WNT3A: variants seen among roughly 807,000 people sequenced by gnomAD.
WNT3A encodes Wnt family member 3A.
A neutral mutation model predicts 37.0 loss-of-function variants in WNT3A; 17 were observed. That is an observed-to-expected ratio of 0.46 (90% CI 0.31 to 0.69). The LOEUF (loss-of-function observed/expected upper bound fraction) is 0.69. Among genes scored for constraint, WNT3A ranks in the 30% least tolerant of loss-of-function variants. The probability of loss-of-function intolerance (pLI) is 0.05; values close to 1 mark genes in which losing one functional copy is unlikely to be tolerated. For synonymous variants in WNT3A, 187 were observed against 211.0 expected (o/e 0.89, Z 0.99); for missense variants, 411 against 510.2 (o/e 0.81, Z 1.87).
intron 3 of WNT3A, among the ~76,000 whole-genome samples, chr1:228,053,929 C>A (rs941284886): frequency 1.3e-5 from 2 of 152,094 alleles, no homozygotes; most frequent in Non-Finnish European, 2.9e-5. Context: ...AAATAACTGA[C>A]CATCTAGTGA....
chr1:228,053,416 C>T (rs2031600007), intron 3 of WNT3A, among the ~76,000 whole-genome samples: 1 of 152,098 alleles, frequency 6.6e-6, no homozygotes, highest in East Asian at 1.9e-4. Context: ...TTAGAGTAGG[C>T]AAAGGTGTCT....
At chr1:228,047,372 A>G (rs945748114) in intron 2 of WNT3A, among the ~76,000 whole-genome samples, 3 of 152,192 alleles carry the variant, frequency 2.0e-5, no homozygotes, top group Non-Finnish European at 4.4e-5. Context: ...CCATAGCCTC[A>G]AATACCTTCC....
chr1:228,035,906 AC>A (rs2031126602), intron 2 of WNT3A, among the ~76,000 whole-genome samples: 1 of 152,030 alleles, frequency 6.6e-6, no homozygotes, highest in South Asian at 2.1e-4. Context: ...ACAGTCTGGA[AC>A]CCCTCCTACC....
chr1:228,050,130 C>A lies in WNT3A; in HGVS notation c.314-526C>A, dbSNP rs1571813357. 6.6e-6 allele frequency among the ~76,000 whole-genome samples: 1 copy of A among 152,028 alleles called. No individual in the cohort carries two copies. Among genetic ancestry groups the A allele is most frequent in the African/African-American group, 2.4e-5 (1 of 41,356 alleles). ...GCAGTGGTGCTATCCTGGCTCACTG[C>A]AGCCTCCACTTCCTGGGCTCAAGTG... is the stretch of plus-strand genomic sequence containing the variant. On this transcript the variant is annotated intron_variant, in intron 2 of 3. Transcript: ENST00000284523. The surrounding 1 kb of genome is among the most constrained non-coding windows in gnomAD (Gnocchi z 5.0).
In WNT3A at chr1:228,046,468, C is replaced by T. The variant is rs1042720035; in HGVS notation, c.314-4188C>T. Among the ~76,000 whole-genome samples, 4 of 139,244 alleles carry T rather than the reference C, an allele frequency of 2.9e-5. No homozygotes were observed. In the East Asian group the frequency reaches 9.2e-4, roughly 32 times the overall value. 91.3% of individuals were successfully genotyped at this position (139,244 alleles called of 152,430 possible). On this transcript the variant is annotated intron_variant, in intron 2 of 3. Coordinates refer to ENST00000284523, the MANE Select transcript of WNT3A (RefSeq NM_033131.4). Reference sequence around the variant, plus strand: ...TGCATGTGTCTGTGTGTGCATTGCACGAGGCGTGCATGTGGGGGTTGTGTG... The same window carrying T: ...TGCATGTGTCTGTGTGTGCATTGCATGAGGCGTGCATGTGGGGGTTGTGTG...
intron 3 of WNT3A, among the ~76,000 whole-genome samples, chr1:228,052,054 C>T (rs1313087082): frequency 1.3e-5 from 2 of 152,184 alleles, no homozygotes; most frequent in African/African-American, 4.8e-5. Flanking sequence ...AGATCCAAAC[C>T]GTATCAGGCA....
At position 228,059,753 on chromosome 1, in the gene WNT3A, A is replaced by G. The variant is rs113606278; in HGVS notation, c.*288A>G. The G allele has an allele frequency of 1.7e-5, 21 of 1,250,918 alleles. No homozygotes were observed. In the African/African-American group the frequency reaches 2.7e-4, roughly 16 times the overall value. The allele number at this position is 1,250,918 out of a possible 1,614,324, so 77.5% of individuals were successfully genotyped here. ...CTCCCTGGGGACGGGGCTCCCCTGGACAGAGGCGGGGCTACAGATTGGGCG... is the reference window on the plus strand; with the variant it reads ...CTCCCTGGGGACGGGGCTCCCCTGGGCAGAGGCGGGGCTACAGATTGGGCG... On this transcript the variant is annotated 3_prime_UTR_variant, in exon 4 of 4. Coordinates refer to ENST00000284523, the MANE Select transcript of WNT3A (RefSeq NM_033131.4).
intron 1 of WNT3A, among the ~76,000 whole-genome samples, chr1:228,020,745 C>G (rs1214211486): frequency 6.6e-6 from 1 of 152,194 alleles, no homozygotes; most frequent in Admixed American, 6.5e-5. Flanking sequence ...TGTGCAAGGA[C>G]AGACTGCAGG....
intron 2 of WNT3A, among the ~76,000 whole-genome samples, chr1:228,023,386 G>GAGAAAGAGAC (rs1199215092): frequency 1.3e-5 from 2 of 152,002 alleles, no homozygotes; most frequent in Non-Finnish European, 2.9e-5. Context: ...CAGTGAGACG[G>GAGAAAGAGAC]AGAAAGAGAC....
At chr1:228,010,310 C>T (rs1403136336) in intron 1 of WNT3A, among the ~76,000 whole-genome samples, 1 of 152,176 alleles carries the variant, frequency 6.6e-6, no homozygotes, top group Admixed American at 6.5e-5. Flanking sequence ...CCACCAGGAC[C>T]CTAGAGGTGG....
intron 1 of WNT3A, among the ~76,000 whole-genome samples, chr1:228,012,521 A>G (rs558315312): frequency 6.6e-6 from 1 of 152,230 alleles, no homozygotes; most frequent in African/African-American, 2.4e-5. Context: ...ACCTGGAGTA[A>G]TGGGGGTGGG....
At position 228,022,677 on chromosome 1, in the gene WNT3A, G is replaced by T; in HGVS notation, c.82G>T (p.Val28Phe). 1.2e-6 allele frequency: 2 copies of T among 1,612,640 alleles called. No homozygotes were observed. The highest frequency in any genetic ancestry group is 1.7e-6 in the Non-Finnish European group (2 of 1,178,768). The change falls in exon 2 of 4, where the codon GTT becomes TTT. Residue 28 changes from valine (V) to phenylalanine (F), a missense_variant. Val to Phe is a conservative substitution (Grantham distance 50). Coordinates refer to ENST00000284523, the MANE Select transcript of WNT3A (RefSeq NM_033131.4). ...GSYPIWWSLA[V>F]GPQYSSLGSQ... The stretch of plus-strand genomic sequence containing the variant: ...TCTTGCCCTCTGCAGGTCGCTGGCT[G>T]TTGGGCCACAGTATTCCTCCCTGGG...
intron 2 of WNT3A, among the ~76,000 whole-genome samples, chr1:228,025,104 ATTGT>A (rs1354705151): frequency 2.0e-5 from 3 of 151,824 alleles, no homozygotes; most frequent in Admixed American, 6.6e-5. Context: ...TCTTTTCCAG[ATTGT>A]TTGGGGGGGA....
intron 2 of WNT3A, among the ~76,000 whole-genome samples, chr1:228,023,694 C>T (rs185990192): frequency 1.8e-4 from 28 of 152,136 alleles, no homozygotes; most frequent in African/African-American, 6.5e-4. Context: ...ACCGAAAATC[C>T]GCGATTTTAA....
chr1:228,007,182 C>A lies in WNT3A; in HGVS notation c.54C>A (p.Gly18=). 1 of 1,604,392 alleles carries A rather than the reference C, an allele frequency of 6.2e-7. No individual in the cohort carries two copies. ...LLLCSLKQAL[G]SYPIWWSLAV... The stretch of plus-strand genomic sequence containing the variant: ...TCTGCAGCCTGAAGCAGGCTCTGGG[C>A]AGCTACCCGATCTGGTGGTGAGTGA... The change falls in exon 1 of 4, where the codon GGC becomes GGA. Residue 18 remains glycine (G), a synonymous_variant. Coordinates refer to ENST00000284523, the MANE Select transcript of WNT3A (RefSeq NM_033131.4). The surrounding 1 kb of genome is among the most constrained non-coding windows in gnomAD (Gnocchi z 6.0).
Position 228,059,976 on chromosome 1 carries a change from G to C in WNT3A, c.*511G>C. 7.1e-6 allele frequency: 8 copies of C among 1,131,794 alleles called. No individual in the cohort carries two copies. Among genetic ancestry groups the C allele is most frequent in the Non-Finnish European group, 8.8e-6 (8 of 910,380 alleles). The allele number at this position is 1,131,794 out of a possible 1,614,324, so 70.1% of individuals were successfully genotyped here. Reference sequence around the variant, plus strand: ...AGGGCGGAGCGCCTCCTTAGGAGTGGGGTTTTATGGTGGATGAGGCTTCTT... The same window carrying C: ...AGGGCGGAGCGCCTCCTTAGGAGTGCGGTTTTATGGTGGATGAGGCTTCTT... On this transcript the variant is annotated 3_prime_UTR_variant, in exon 4 of 4. Coordinates refer to ENST00000284523, the MANE Select transcript of WNT3A (RefSeq NM_033131.4).
intron 3 of WNT3A, among the ~76,000 whole-genome samples, chr1:228,058,033 T>C (rs773806288): frequency 6.6e-6 from 1 of 152,260 alleles, no homozygotes; most frequent in South Asian, 2.1e-4. Context: ...TGGCTTTGCC[T>C]CAAGTGAGCC....
chr1:228,022,843 G>T lies in WNT3A; in HGVS notation c.248G>T (p.Gly83Val). ...CAGGAGTGCCAGCACCAGTTCCGCG[G>T]CCGCCGGTGGAACTGCACCACCGTC... ...GIQECQHQFR[G>V]RRWNCTTVHD... is the part of the protein sequence containing the mutation. The change falls in exon 2 of 4, where the codon GGC becomes GTC. Residue 83 changes from glycine to valine, a missense_variant. Transcript: ENST00000284523. 2.5e-6 allele frequency: 4 copies of T among 1,613,868 alleles called. No homozygotes were observed. Among genetic ancestry groups the T allele is most frequent in the Non-Finnish European group, 3.4e-6 (4 of 1,180,010 alleles).
At chr1:228,022,249 G>A (rs1213297456) in intron 1 of WNT3A, among the ~76,000 whole-genome samples, 1 of 152,152 alleles carries the variant, frequency 6.6e-6, no homozygotes, top group African/African-American at 2.4e-5. Flanking sequence ...CTTGAGGCCA[G>A]GAGTTTGGGA....
Sources: gnomAD v4.1 joint callset for allele counts (sites outside exome capture counted in the v4.1 genomes callset) on GRCh38, gnomAD v4.1.1 for gene constraint, Gnocchi (gnomAD v3.1) non-coding constraint, MANE v1.5 for transcripts, NCBI Gene and HGNC (gene_info 2026-07-23, HGNC 2026-07-21) for gene names.